STPG2: variants seen among roughly 807,000 people sequenced by gnomAD.
STPG2 encodes sperm-tail PG-rich repeat-containing protein 2.
STPG2 carries 56 observed loss-of-function variants against 54.2 expected under a neutral mutation model. The ratio of observed to expected loss-of-function variants is 1.03; its 90% CI spans 0.83 to 1.29. The LOEUF is 1.29. Among genes scored for constraint, STPG2 ranks in the 50% most tolerant of loss-of-function variants. The probability of loss-of-function intolerance (pLI) is 0.00; values close to 1 mark genes in which losing one functional copy is unlikely to be tolerated. For missense variants in STPG2, 596 were observed against 544.9 expected (o/e 1.09, Z -0.93); for synonymous variants, 200 against 181.8 (o/e 1.10, Z -0.81).
intron 8 of STPG2, among the ~76,000 whole-genome samples, chr4:97,902,646 C>T (rs917704109): frequency 6.6e-6 from 1 of 152,006 alleles, no homozygotes; most frequent in South Asian, 2.1e-4. Flanking sequence ...TCAAAGGTAA[C>T]CGGTGTAGCT....
chr4:97,801,831 A>G (rs1361403891), intron 9 of STPG2, among the ~76,000 whole-genome samples: 2 of 152,020 alleles, frequency 1.3e-5, no homozygotes, highest in Non-Finnish European at 2.9e-5. Context: ...CTATCCCTTT[A>G]TTCTCTGCAA....
intron 5 of STPG2, among the ~76,000 whole-genome samples, chr4:98,053,865 C>T (rs975556239): frequency 2.6e-5 from 4 of 151,858 alleles, no homozygotes; most frequent in African/African-American, 4.8e-5. Context: ...GGCTTTAATC[C>T]GCAAATTCAT....
intron 9 of STPG2, among the ~76,000 whole-genome samples, chr4:97,738,070 G>C (rs1379885021): frequency 6.6e-6 from 1 of 152,156 alleles, no homozygotes; most frequent in Admixed American, 6.5e-5. Context: ...CATTCTTAAA[G>C]AAAAGAATGT....
chr4:97,725,048 A>G (rs1289188221), intron 9 of STPG2, among the ~76,000 whole-genome samples: 1 of 152,168 alleles, frequency 6.6e-6, no homozygotes, highest in East Asian at 1.9e-4. Context: ...TTAGAATGCA[A>G]TATATTTTTG....
chr4:97,784,164 A>T (rs55848355), intron 9 of STPG2, among the ~76,000 whole-genome samples: 21 of 152,032 alleles, frequency 1.4e-4, no homozygotes, highest in Non-Finnish European at 2.9e-4. Context: ...ACAACAAAAA[A>T]GAATCTATCA....
intron 9 of STPG2, among the ~76,000 whole-genome samples, chr4:97,732,163 T>C (rs564519527): frequency 6.6e-6 from 1 of 152,258 alleles, no homozygotes; most frequent in East Asian, 1.9e-4. Flanking sequence ...GCACCTATGG[T>C]CGCATTTTGC....
rs542909923 is a variant in STPG2, at chr4:97,792,678, GATAT to G, written c.1204+48091_1204+48094del. Among the ~76,000 whole-genome samples, 378 of 152,174 alleles carry G rather than the reference GATAT, an allele frequency of 2.5e-3. 3 individuals are homozygous for G. The East Asian group carries it at 0.032, about 13-fold the overall frequency. On this transcript the variant is annotated intron_variant, in intron 9 of 10. Transcript: ENST00000295268. The stretch of plus-strand genomic sequence containing the variant: ...GGCCTACCAAGTCATACAATATCTA[GATAT>G]ACATTACATGTCTAGGCACATCTAA...
In STPG2 at chr4:98,106,156, C is replaced by T. The variant is rs1046453078; in HGVS notation, c.501-92G>A. ...AGAAATTCTTTCTACAGCAACATGT[C>T]CTGCAATTAAACTATGGAATAATAA... On this transcript the variant is annotated intron_variant, in intron 4 of 10. Coordinates refer to ENST00000295268, the MANE Select transcript of STPG2 (RefSeq NM_174952.3). 7.8e-6 allele frequency: 7 copies of T among 899,332 alleles called. No homozygotes were observed. In the African/African-American group the frequency reaches 8.7e-5, roughly 11 times the overall value. The allele number at this position is 899,332 out of a possible 1,614,324, so 55.7% of individuals were successfully genotyped here. A position where few individuals can be genotyped will look rare whatever the true frequency, so the allele number is the denominator to read the frequency against.
At chr4:97,617,741 A>G (rs1733911202) in intron 10 of STPG2, among the ~76,000 whole-genome samples, 1 of 152,180 alleles carries the variant, frequency 6.6e-6, no homozygotes, top group Non-Finnish European at 1.5e-5. Flanking sequence ...TACACTAGCA[A>G]GTTGGCCCAG....
intron 8 of STPG2, among the ~76,000 whole-genome samples, chr4:97,884,133 G>C (rs1255479898): frequency 1.3e-5 from 2 of 152,030 alleles, no homozygotes; most frequent in Admixed American, 6.6e-5. Flanking sequence ...GGAAGAGAGG[G>C]GGGAAAGGAA....
chr4:98,111,033 T>C (rs575726751), intron 3 of STPG2, among the ~76,000 whole-genome samples: 2 of 152,238 alleles, frequency 1.3e-5, no homozygotes, highest in South Asian at 2.1e-4. Context: ...CCAGAAACTT[T>C]AAGGACTTTC....
At chr4:97,442,041 C>T (rs558584182) in intron 4 of STPG2, among the ~76,000 whole-genome samples, 80 of 151,724 alleles carry the variant, frequency 5.3e-4, no homozygotes, top group African/African-American at 1.9e-3. Flanking sequence ...ATTATCTTAG[C>T]AGAAATACCT....
intron 10 of STPG2, among the ~76,000 whole-genome samples, chr4:97,608,848 A>G (rs1420884879): frequency 6.6e-6 from 1 of 152,020 alleles, no homozygotes; most frequent in Non-Finnish European, 1.5e-5. Flanking sequence ...AAGGTTTTTT[A>G]TGCTGCATTA....
intron 8 of STPG2, among the ~76,000 whole-genome samples, chr4:97,931,356 C>G (rs1006881637): frequency 6.6e-6 from 1 of 152,142 alleles, no homozygotes; most frequent in Admixed American, 6.5e-5. Context: ...GGGAAATATT[C>G]ATTCAATACC....
intron 5 of STPG2, among the ~76,000 whole-genome samples, chr4:98,000,059 C>T (rs1183266802): frequency 6.6e-6 from 1 of 152,002 alleles, no homozygotes; most frequent in Non-Finnish European, 1.5e-5. Context: ...TTATAATGGC[C>T]CATATGAACC....
chr4:97,742,399 A>C (rs1725275785), intron 9 of STPG2, among the ~76,000 whole-genome samples: 2 of 151,176 alleles, frequency 1.3e-5, no homozygotes, highest in East Asian at 3.9e-4. Context: ...AATAATAAAA[A>C]GAAAATAAAA....
At chr4:97,616,070 A>ATT (rs1420272328) in intron 10 of STPG2, among the ~76,000 whole-genome samples, 3 of 74,634 alleles carry the variant, frequency 4.0e-5, no homozygotes, top group Non-Finnish European at 5.8e-5. Context: ...ATATATATAT[A>ATT]TATATATATA....
intron 4 of STPG2, among the ~76,000 whole-genome samples, chr4:97,461,908 A>G (rs1331843651): frequency 1.3e-5 from 2 of 152,026 alleles, no homozygotes; most frequent in Non-Finnish European, 2.9e-5. Flanking sequence ...CCTTCCATTC[A>G]TTTTAATGGT....
At chr4:97,925,398 A>G (rs1158492671) in intron 8 of STPG2, among the ~76,000 whole-genome samples, 2 of 152,230 alleles carry the variant, frequency 1.3e-5, no homozygotes, top group African/African-American at 2.4e-5. Flanking sequence ...AAAATTTATA[A>G]AAAGTTTAAA....
Sources: allele counts gnomAD v4.1 joint callset (sites outside exome capture counted in the v4.1 genomes callset), GRCh38; gene constraint gnomAD v4.1.1; transcripts MANE v1.5; gene names NCBI Gene and HGNC (gene_info 2026-07-23, HGNC 2026-07-21).